Variants in MIER2 observed in about 807,000 individuals in gnomAD.
The protein encoded by MIER2 is mesoderm induction early response protein 2.
Under a neutral mutation model 67.6 loss-of-function variants are expected in MIER2, and 30 were observed. The ratio of observed to expected loss-of-function variants is 0.44; its 90% CI spans 0.33 to 0.60. The LOEUF is 0.60. Among genes scored for constraint, MIER2 ranks in the 20% least tolerant of loss-of-function variants. The probability of loss-of-function intolerance (pLI) is 0.02; values close to 1 mark genes in which losing one functional copy is unlikely to be tolerated. For missense variants in MIER2, 702 were observed against 745.1 expected (o/e 0.94, Z 0.67); for synonymous variants, 372 against 312.6 (o/e 1.19, Z -2.00).
chr19:329,750 G>A (rs752399091), intron 3 of MIER2, among the ~76,000 whole-genome samples: 3 of 151,890 alleles, frequency 2.0e-5, no homozygotes, highest in Non-Finnish European at 4.4e-5. Flanking sequence ...GCTGGGGATG[G>A]TGGTGGGTTC....
intron 1 of MIER2, among the ~76,000 whole-genome samples, chr19:342,740 C>A (rs1972560774): frequency 6.6e-6 from 1 of 151,668 alleles, no homozygotes; most frequent in Admixed American, 6.6e-5. Context: ...GCCACTTTTA[C>A]GGGTTAAAAA....
intron 10 of MIER2, among the ~76,000 whole-genome samples, chr19:310,339 C>T (rs1221066858): frequency 6.6e-6 from 1 of 152,238 alleles, no homozygotes; most frequent in African/African-American, 2.4e-5. Context: ...ACCGAGACAA[C>T]CTCCCTGCAG....
chr19:308,802 T>A lies in MIER2; in HGVS notation c.1108A>T (p.Thr370Ser). The change falls in exon 11 of 14, where the codon ACG (threonine) becomes TCG (serine). Residue 370 changes from threonine (T) to serine (S), a missense_variant and splice_region_variant. Coordinates refer to ENST00000264819, the MANE Select transcript of MIER2 (RefSeq NM_017550.3). This position sits in a 1 kb window ranked among gnomAD's most constrained non-coding sequence, Gnocchi z 9.1. ...ACTGCTGGGGAGGGCTGCACGCACG[T>A]GGTTCCGGACGGGACGTACTTCCTC... ...GRRKYVPSGT[T>S]DADQDLDGSD... The A allele has an allele frequency of 6.2e-7, 1 of 1,601,482 alleles. No individual in the cohort carries two copies. The highest frequency in any genetic ancestry group is 8.5e-7 in the Non-Finnish European group (1 of 1,170,388).
At chr19:314,197 G>A (rs550928991) in intron 7 of MIER2, among the ~76,000 whole-genome samples, 41 of 152,354 alleles carry the variant, frequency 2.7e-4, no homozygotes, top group African/African-American at 9.6e-4. Context: ...CCTGGGAGCT[G>A]AAGAGCCACG....
In MIER2 at chr19:310,060, G is replaced by A. The variant is rs1275990191; in HGVS notation, c.985-1135C>T. On this transcript the variant is annotated intron_variant, in intron 10 of 13. Transcript: ENST00000264819. ...GGGACACACACACACACGCACACAA[G>A]GCTTCAGGGACACGAGAAGGGACAC... Among the ~76,000 whole-genome samples the A allele has an allele frequency of 2.6e-5, 4 of 151,528 alleles. 1 individual carries two copies. The highest frequency in any genetic ancestry group is 5.9e-5 in the Non-Finnish European group (4 of 67,966).
In MIER2 at chr19:309,871, G is replaced by GACAC. The variant is rs61728215; in HGVS notation, c.985-950_985-947dup. Among the ~76,000 whole-genome samples, 31 of 46,400 alleles carry GACAC rather than the reference G, an allele frequency of 6.7e-4. 8 individuals are homozygous for GACAC. The highest frequency in any genetic ancestry group is 2.6e-3 in the African/African-American group (20 of 7,702). The allele number at this position is 46,400 out of a possible 152,430, so 30.4% of individuals were successfully genotyped here. A position where few individuals can be genotyped will look rare whatever the true frequency, so the allele number is the denominator to read the frequency against. On this transcript the variant is annotated intron_variant, in intron 10 of 13. Coordinates refer to ENST00000264819, the MANE Select transcript of MIER2 (RefSeq NM_017550.3). ...ACAAGGCTTCAGGGAGACGAGAAGG[G>GACAC]ACACACACGCACACAAGGCTTCAGG...
At chr19:313,286 C>T (rs905437527) in intron 8 of MIER2, among the ~76,000 whole-genome samples, 2 of 152,150 alleles carry the variant, frequency 1.3e-5, no homozygotes, top group African/African-American at 4.8e-5. Flanking sequence ...GCAGGATACC[C>T]GGAGGCGTCT....
rs755425356 is a variant in MIER2 at position 327,094 on chromosome 19, G to T, written c.493+39C>A. On this transcript the variant is annotated intron_variant, in intron 5 of 13. Coordinates refer to ENST00000264819, the MANE Select transcript of MIER2 (RefSeq NM_017550.3). ...CAAGCATCACGACTGCCTGGCAGGG[G>T]GCCTGGCTGCGGTGGAGTATGGGGA... 2.6e-6 allele frequency: 4 copies of T among 1,555,868 alleles called. No homozygotes were observed. The African/African-American group carries it at 4.2e-5, about 16-fold the overall frequency.
At chr19:312,134 G>T in intron 9 of MIER2, 57 bp downstream of exon 9, 1 of 1,178,546 alleles carries the variant, frequency 8.5e-7, no homozygotes, top group Non-Finnish European at 1.2e-6. Flanking sequence ...CGGGGAGAAC[G>T]GTCAGCAGTG....
intron 7 of MIER2, among the ~76,000 whole-genome samples, chr19:324,382 C>T (rs971504951): frequency 2.1e-5 from 3 of 141,792 alleles, no homozygotes; most frequent in South Asian, 2.2e-4. Flanking sequence ...ACCACACAGA[C>T]GACTCGAATG....
intron 10 of MIER2, among the ~76,000 whole-genome samples, chr19:310,497 CG>C (rs1213374999): frequency 1.1e-5 from 1 of 90,158 alleles, no homozygotes; most frequent in African/African-American, 5.8e-5. Context: ...GAAACACGGC[CG>C]GGAGTTACAA....
chr19:317,860 A>T (rs1031773879), intron 7 of MIER2, among the ~76,000 whole-genome samples: 2 of 152,206 alleles, frequency 1.3e-5, no homozygotes, highest in Non-Finnish European at 2.9e-5. Flanking sequence ...TAAAAAATGT[A>T]CATGGACTAA....
chr19:330,802 C>T (rs1441534499), intron 3 of MIER2, among the ~76,000 whole-genome samples: 1 of 152,106 alleles, frequency 6.6e-6, no homozygotes, highest in African/African-American at 2.4e-5. Context: ...AGAGCCGGCA[C>T]CAGAACCCAC....
chr19:327,580 C>A (rs548648967), intron 4 of MIER2, among the ~76,000 whole-genome samples: 219 of 152,352 alleles, frequency 1.4e-3, no homozygotes, highest in Non-Finnish European at 2.7e-3. Context: ...CAAGCCTTGA[C>A]CTGTGACCTC....
chr19:324,120 A>G (rs1246265460), intron 7 of MIER2, among the ~76,000 whole-genome samples: 1 of 105,094 alleles, frequency 9.5e-6, no homozygotes, highest in Non-Finnish European at 1.9e-5. Flanking sequence ...CAATGCAATA[A>G]AGACACAACC....
chr19:341,501 G>A (rs1972499845), intron 1 of MIER2, among the ~76,000 whole-genome samples: 1 of 152,174 alleles, frequency 6.6e-6, no homozygotes, highest in African/African-American at 2.4e-5. Context: ...GGATCCCCAA[G>A]TTCATTTCCA....
At chr19:319,550 C>A (rs1195657595) in intron 7 of MIER2, among the ~76,000 whole-genome samples, 1 of 152,144 alleles carries the variant, frequency 6.6e-6, no homozygotes, top group African/African-American at 2.4e-5. Context: ...CCGCTGCCTC[C>A]CGGGTTCAAG....
At position 313,633 on chromosome 19, in the gene MIER2, G is replaced by A. The variant is rs12104349; in HGVS notation, c.666C>T (p.Asn222=). ...TGGGGTCCCAGAGCAGCTGGTCTTC[G>A]TTCTCGTAGACTGCACAAGCAGAGG... ...LNRHCEKIYE[N]EDQLLWDPSV... The change falls in exon 8 of 14, where the codon AAC becomes AAT. Residue 222 remains asparagine, a synonymous_variant. Coordinates refer to ENST00000264819, the MANE Select transcript of MIER2 (RefSeq NM_017550.3). The A allele has an allele frequency of 0.013, 21,421 of 1,611,330 alleles. 1,164 individuals are homozygous for A. The Admixed American group carries it at 0.13, about 10-fold the overall frequency.
At chr19:339,013 G>GA (rs1972384098) in intron 1 of MIER2, among the ~76,000 whole-genome samples, 2 of 134,202 alleles carry the variant, frequency 1.5e-5, no homozygotes. Context: ...AATGTGGTGG[G>GA]AAAAAAGTTT....
Sources: gnomAD v4.1 joint callset for allele counts (sites outside exome capture counted in the v4.1 genomes callset) on GRCh38, gnomAD v4.1.1 for gene constraint, Gnocchi (gnomAD v3.1) non-coding constraint, MANE v1.5 for transcripts, NCBI Gene and HGNC (gene_info 2026-07-23, HGNC 2026-07-21) for gene names.